The following SIPA1L1 variants were observed in gnomAD, a reference collection of about 807,000 sequenced individuals.
SIPA1L1 encodes signal induced proliferation associated 1 like 1.
Under a neutral mutation model 162.7 loss-of-function variants are expected in SIPA1L1, and 26 were observed. The ratio of observed to expected loss-of-function variants is 0.16; its 90% confidence interval spans 0.12 to 0.22. The LOEUF is 0.22. Ranked by LOEUF, SIPA1L1 falls within the 10% of genes least tolerant of loss-of-function variation. The probability of loss-of-function intolerance (pLI) is 1.00; values close to 1 mark genes in which losing one functional copy is unlikely to be tolerated. For missense variants in SIPA1L1, 1,874 were observed against 2,241.0 expected, an observed-to-expected ratio of 0.84 and a Z score of 3.31; for synonymous variants, 829 against 837.4, an observed-to-expected ratio of 0.99 and a Z score of 0.17.
chr14:71,552,423 G>A lies in SIPA1L1; in HGVS notation c.-303+23053G>A, dbSNP rs191176043. On this transcript the variant is annotated intron_variant, in intron 4 of 23. Coordinates refer to ENST00000381232, the MANE Select transcript of SIPA1L1 (RefSeq NM_001386936.1). ...TTTTTTTTTTTTGAGACGGAGTCCC[G>A]CTCTTTAGCCCAGGCCGGATTGCAG... 8.2e-5 allele frequency among the ~76,000 whole-genome samples: 12 copies of A among 147,156 alleles called. No homozygotes were observed. The East Asian group carries it at 1.8e-3, about 22-fold the overall frequency.
chr14:71,652,560 C>T (rs1232589236), intron 8 of SIPA1L1, among the ~76,000 whole-genome samples: 1 of 151,814 alleles, frequency 6.6e-6, no homozygotes, highest in African/African-American at 2.4e-5. Flanking sequence ...TCCCATCTCT[C>T]TGAGACTCCA....
At chr14:71,348,042 A>C (rs895443714) in intron 2 of SIPA1L1, among the ~76,000 whole-genome samples, 20 of 152,340 alleles carry the variant, frequency 1.3e-4, no homozygotes, top group Middle Eastern at 3.4e-3. Flanking sequence ...TTTTAGACAG[A>C]GTATACCTAG....
At chr14:71,687,642 A>G (rs1432432171) in intron 13 of SIPA1L1, among the ~76,000 whole-genome samples, 1 of 152,210 alleles carries the variant, frequency 6.6e-6, no homozygotes, top group Non-Finnish European at 1.5e-5. Context: ...GTAGCTGAGT[A>G]TCATATTTCG....
rs573782144 is a variant in SIPA1L1 at position 71,728,921 on chromosome 14, T to A, written c.4615-1134T>A. On this transcript the variant is annotated intron_variant, in intron 19 of 23. Coordinates refer to ENST00000381232, the MANE Select transcript of SIPA1L1 (RefSeq NM_001386936.1). ...AGAAGCTTGCTATTTGCAGAAAAAA[T>A]CTCAAGTAAAATCAAATTTGGTCAC... 2.0e-4 allele frequency among the ~76,000 whole-genome samples: 30 copies of A among 152,282 alleles called. 1 individual carries two copies. Among genetic ancestry groups the A allele is most frequent in the Middle Eastern group, 3.4e-3 (1 of 294 alleles).
intron 13 of SIPA1L1, among the ~76,000 whole-genome samples, chr14:71,692,465 A>G (rs2081320793): frequency 6.6e-6 from 1 of 152,220 alleles, no homozygotes; most frequent in Non-Finnish European, 1.5e-5. Flanking sequence ...GCCGCATTTG[A>G]CTTAAAGTGA....
intron 4 of SIPA1L1, among the ~76,000 whole-genome samples, chr14:71,543,352 T>G (rs1323779789): frequency 6.6e-6 from 1 of 152,162 alleles, no homozygotes; most frequent in Non-Finnish European, 1.5e-5. Context: ...ATCAACATTC[T>G]TGTACAAGTC....
At chr14:71,440,035 T>C (rs1441782433) in intron 2 of SIPA1L1, among the ~76,000 whole-genome samples, 1 of 151,802 alleles carries the variant, frequency 6.6e-6, no homozygotes, top group Admixed American at 6.6e-5. Context: ...GAACTTATTT[T>C]TTGTTTGTTT....
chr14:71,386,091 G>A (rs1298991265), intron 2 of SIPA1L1, among the ~76,000 whole-genome samples: 2 of 152,116 alleles, frequency 1.3e-5, no homozygotes, highest in Admixed American at 6.5e-5. Context: ...TGTGACTACT[G>A]CCTGTCATAT....
At chr14:71,721,137 T>G (rs778598465) in intron 17 of SIPA1L1, among the ~76,000 whole-genome samples, 6 of 152,218 alleles carry the variant, frequency 3.9e-5, no homozygotes, top group Non-Finnish European at 5.9e-5. Context: ...TCTTAGTTTG[T>G]GGTCACTGTA....
intron 13 of SIPA1L1, among the ~76,000 whole-genome samples, chr14:71,691,621 C>T (rs1381227556): frequency 6.6e-6 from 1 of 151,972 alleles, no homozygotes; most frequent in Non-Finnish European, 1.5e-5. Flanking sequence ...TGTGGACTTG[C>T]CTTTCCCTTT....
intron 2 of SIPA1L1, among the ~76,000 whole-genome samples, chr14:71,474,441 T>C (rs909743375): frequency 6.6e-6 from 1 of 152,234 alleles, no homozygotes; most frequent in East Asian, 1.9e-4. Context: ...TAATTGACTT[T>C]CTTTTCTAAT....
intron 4 of SIPA1L1, chr14:71,574,143 C>A: frequency 1.1e-5 from 2 of 187,572 alleles, no homozygotes; most frequent in South Asian, 8.9e-5. Flanking sequence ...CCAAGGGATG[C>A]TGTAAAAAGA....
At chr14:71,626,065 A>AAAG (rs1163998245) in intron 7 of SIPA1L1, among the ~76,000 whole-genome samples, 1 of 152,220 alleles carries the variant, frequency 6.6e-6, no homozygotes, top group Non-Finnish European at 1.5e-5. Context: ...TTTAATTCAC[A>AAAG]AAACTGGCCA....
chr14:71,508,056 G>A (rs1253427293), intron 2 of SIPA1L1, among the ~76,000 whole-genome samples: 1 of 152,244 alleles, frequency 6.6e-6, no homozygotes, highest in African/African-American at 2.4e-5. Context: ...GGGGACTGTG[G>A]AGAGGAGGAG....
chr14:71,464,663 AAAAAAAAC>A (rs1307372905), intron 2 of SIPA1L1, among the ~76,000 whole-genome samples: 6 of 151,564 alleles, frequency 4.0e-5, no homozygotes, highest in African/African-American at 1.5e-4. Context: ...AAAACAAAAC[AAAAAAAAC>A]AAACAGAGTC....
intron 2 of SIPA1L1, among the ~76,000 whole-genome samples, chr14:71,465,768 G>T (rs11625974): frequency 6.6e-6 from 1 of 152,068 alleles, no homozygotes; most frequent in Admixed American, 6.5e-5. Flanking sequence ...TAACTTACAC[G>T]ATCACAAGTT....
chr14:71,421,057 C>A (rs1416396445), intron 2 of SIPA1L1, among the ~76,000 whole-genome samples: 1 of 152,112 alleles, frequency 6.6e-6, no homozygotes, highest in Non-Finnish European at 1.5e-5. Flanking sequence ...GAAATGGGGT[C>A]ATTTGTCCTG....
At chr14:71,631,417 T>C (rs975081931) in intron 7 of SIPA1L1, among the ~76,000 whole-genome samples, 2 of 152,234 alleles carry the variant, frequency 1.3e-5, no homozygotes, top group Non-Finnish European at 2.9e-5. Context: ...AGTTTCTCTA[T>C]TGATGGGCAT....
chr14:71,527,990 C>T (rs141058240), intron 3 of SIPA1L1, among the ~76,000 whole-genome samples: 1 of 152,222 alleles, frequency 6.6e-6, no homozygotes, highest in East Asian at 1.9e-4. Context: ...CAGGTTCAAG[C>T]GATTTTCGTG....
Sources: allele counts gnomAD v4.1 joint callset (sites outside exome capture counted in the v4.1 genomes callset), GRCh38; gene constraint gnomAD v4.1.1; transcripts MANE v1.5; gene names NCBI Gene and HGNC (gene_info 2026-07-23, HGNC 2026-07-21).